SEMA3C: variants seen among roughly 807,000 people sequenced by gnomAD.
The protein encoded by SEMA3C is semaphorin 3C.
SEMA3C carries 47 observed loss-of-function variants against 89.4 expected under a neutral mutation model. That is an observed-to-expected ratio of 0.53 (90% CI 0.42 to 0.67). SEMA3C has a LOEUF of 0.67. SEMA3C is among the 30% of genes least tolerant of loss of function. SEMA3C has a pLI of 0.00. For missense variants in SEMA3C, 839 were observed against 929.1 expected (o/e 0.90, Z 1.26); for synonymous variants, 310 against 320.2 (o/e 0.97, Z 0.34).
rs561023118 is a variant in SEMA3C at position 80,755,512 on chromosome 7, T to C, written c.1643+2819A>G. Among the ~76,000 whole-genome samples, 7 of 151,768 alleles carry C rather than the reference T, an allele frequency of 4.6e-5. No individual in the cohort carries two copies. In the South Asian group the frequency reaches 1.5e-3, roughly 32 times the overall value. ...ACTGATGTCCAGTTTCCTTACATTA[T>C]ATAATAACTGGTATACCTATACAAC... On this transcript the variant is annotated intron_variant, in intron 15 of 17. Coordinates refer to ENST00000265361, the MANE Select transcript of SEMA3C (RefSeq NM_006379.5).
chr7:80,896,818 C>T (rs865860430), intron 2 of SEMA3C, among the ~76,000 whole-genome samples: 3 of 152,260 alleles, frequency 2.0e-5, no homozygotes, highest in Non-Finnish European at 4.4e-5. Flanking sequence ...TTCAATGGGG[C>T]TTCTCCTTTC....
chr7:80,909,190 T>A (rs764016691), intron 2 of SEMA3C, among the ~76,000 whole-genome samples: 1 of 152,176 alleles, frequency 6.6e-6, no homozygotes, highest in Non-Finnish European at 1.5e-5. Flanking sequence ...AGGAAATAAG[T>A]TTTTCCTAAA....
chr7:80,835,136 C>T (rs1790096017), intron 2 of SEMA3C, among the ~76,000 whole-genome samples: 1 of 151,960 alleles, frequency 6.6e-6, no homozygotes, highest in Non-Finnish European at 1.5e-5. Context: ...AAATCAATTC[C>T]CAGGAGTCCC....
At position 80,772,367 on chromosome 7, in the gene SEMA3C, T is replaced by C. The variant is rs139797917; in HGVS notation, c.1355-7124A>G. ...AATCTACTTTTAAAAGGTAGCATTC[T>C]GTGCATGTGTATGCCTTGTTACAAA... is the stretch of plus-strand genomic sequence containing the variant. On this transcript the variant is annotated intron_variant, in intron 12 of 17. Transcript: ENST00000265361. Among the ~76,000 whole-genome samples the C allele has an allele frequency of 1.0e-3, 152 of 152,376 alleles. 1 individual carries two copies. The highest frequency in any genetic ancestry group is 3.3e-3 in the African/African-American group (137 of 41,592).
intron 2 of SEMA3C, among the ~76,000 whole-genome samples, chr7:80,836,349 T>C (rs1438101678): frequency 6.6e-6 from 1 of 152,014 alleles, no homozygotes; most frequent in Admixed American, 6.6e-5. Flanking sequence ...AAAGAAGGAA[T>C]GAGGAAACAA....
intron 15 of SEMA3C, among the ~76,000 whole-genome samples, chr7:80,752,099 T>C (rs969555530): frequency 2.0e-5 from 3 of 152,238 alleles, no homozygotes; most frequent in African/African-American, 7.2e-5. Flanking sequence ...CACCCGTAAG[T>C]GCTTTAGCAT....
chr7:80,847,855 A>G (rs1349748832), intron 2 of SEMA3C, among the ~76,000 whole-genome samples: 2 of 152,170 alleles, frequency 1.3e-5, no homozygotes, highest in Non-Finnish European at 2.9e-5. Context: ...GAGGCAGATC[A>G]TCTCATTCAG....
chr7:80,789,650 C>T (rs1028131187), intron 11 of SEMA3C, 122 bp from the exon 12 acceptor site: 3 of 656,696 alleles, frequency 4.6e-6, no homozygotes, highest in South Asian at 2.0e-5. Context: ...TATCTGCTAC[C>T]TATGGAAGTG....
intron 2 of SEMA3C, among the ~76,000 whole-genome samples, chr7:80,845,732 T>C (rs1003852259): frequency 1.3e-5 from 2 of 152,142 alleles, no homozygotes; most frequent in East Asian, 1.9e-4. Flanking sequence ...CAAATATTTA[T>C]TGAATGGTGG....
At chr7:80,819,813 C>T (rs985604449) in intron 4 of SEMA3C, among the ~76,000 whole-genome samples, 2 of 152,084 alleles carry the variant, frequency 1.3e-5, no homozygotes, top group Admixed American at 6.5e-5. Flanking sequence ...CCAAATTAAC[C>T]ACCAAATGTT....
At chr7:80,780,610 G>A (rs1302444110) in intron 12 of SEMA3C, among the ~76,000 whole-genome samples, 1 of 152,168 alleles carries the variant, frequency 6.6e-6, no homozygotes, top group Non-Finnish European at 1.5e-5. Context: ...AAGGCCAGGT[G>A]CAGTGACTCA....
At chr7:80,875,898 C>A (rs971079920) in intron 2 of SEMA3C, among the ~76,000 whole-genome samples, 5 of 151,838 alleles carry the variant, frequency 3.3e-5, no homozygotes, top group Non-Finnish European at 7.4e-5. Flanking sequence ...ATTGCTAAGA[C>A]CTACAGTAAG....
chr7:80,786,778 G>A (rs1384942307), intron 12 of SEMA3C, among the ~76,000 whole-genome samples: 1 of 152,154 alleles, frequency 6.6e-6, no homozygotes, highest in East Asian at 1.9e-4. Context: ...GAGTTTATCA[G>A]GTACTGTGAT....
chr7:80,743,008 G>A lies in SEMA3C; in HGVS notation c.*1886C>T, dbSNP rs1423017465. ...CAGTTTGGGCTTATGTGAAATAAAG[G>A]GAACTGTGACTCTGAAACAATTTTA... On this transcript the variant is annotated 3_prime_UTR_variant, in exon 18 of 18. Coordinates refer to ENST00000265361, the MANE Select transcript of SEMA3C (RefSeq NM_006379.5). 1 of 151,770 alleles carries A rather than the reference G, an allele frequency of 6.6e-6. No individual in the cohort carries two copies. Among genetic ancestry groups the A allele is most frequent in the Non-Finnish European group, 1.5e-5 (1 of 67,804 alleles). The allele number at this position is 151,770 out of a possible 1,614,324, so 9.4% of individuals were successfully genotyped here.
At chr7:80,894,947 T>C (rs149674716) in intron 2 of SEMA3C, among the ~76,000 whole-genome samples, 10 of 152,280 alleles carry the variant, frequency 6.6e-5, no homozygotes, top group African/African-American at 2.2e-4. Flanking sequence ...CTCCCTCAGC[T>C]GTAATATAAG....
rs1583928171 is a variant in SEMA3C at position 80,839,650 on chromosome 7, G to A, written c.104-10905C>T. ...AGGTCATTCACAAACAATAAGACTT[G>A]TAGGGATATATTTTAAAACATTTAT... is the stretch of plus-strand genomic sequence containing the variant. On this transcript the variant is annotated intron_variant, in intron 2 of 17. Coordinates refer to ENST00000265361, the MANE Select transcript of SEMA3C (RefSeq NM_006379.5). Among the ~76,000 whole-genome samples, 2 of 152,034 alleles carry A rather than the reference G, an allele frequency of 1.3e-5. 1 individual carries two copies. The highest frequency in any genetic ancestry group is 4.1e-4 in the South Asian group (2 of 4,822).
intron 6 of SEMA3C, among the ~76,000 whole-genome samples, chr7:80,810,277 G>A (rs1230709420): frequency 6.6e-6 from 1 of 151,882 alleles, no homozygotes; most frequent in Non-Finnish European, 1.5e-5. Flanking sequence ...ACTAAAACAT[G>A]AGAAAAAGTG....
intron 12 of SEMA3C, among the ~76,000 whole-genome samples, chr7:80,785,772 A>G (rs1035776567): frequency 1.3e-5 from 2 of 152,064 alleles, no homozygotes; most frequent in East Asian, 3.9e-4. Flanking sequence ...CCATGCCGGG[A>G]TAATTTTGTA....
chr7:80,874,757 C>G (rs115119085), intron 2 of SEMA3C, among the ~76,000 whole-genome samples: 1 of 151,918 alleles, frequency 6.6e-6, no homozygotes. Flanking sequence ...CATGAGCCAG[C>G]GCGTCAGGCC....
Sources: allele counts gnomAD v4.1 joint callset (sites outside exome capture counted in the v4.1 genomes callset), GRCh38; gene constraint gnomAD v4.1.1; transcripts MANE v1.5; gene names NCBI Gene and HGNC (gene_info 2026-07-23, HGNC 2026-07-21).